Variants in SIDT1 observed in about 807,000 individuals in gnomAD.
SIDT1 encodes SID1 transmembrane family, member 1.
Under a neutral mutation model 107.5 loss-of-function variants are expected in SIDT1, and 101 were observed. The ratio of observed to expected loss-of-function variants is 0.94; its 90% confidence interval spans 0.80 to 1.11. The LOEUF is 1.11. SIDT1 is among the 50% of genes least tolerant of loss of function. The pLI is 0.00. For missense variants in SIDT1, 1,076 were observed against 1,058.2 expected, an observed-to-expected ratio of 1.02 and a Z score of -0.23; for synonymous variants, 395 against 398.2, an observed-to-expected ratio of 0.99 and a Z score of 0.10.
intron 3 of SIDT1, among the ~76,000 whole-genome samples, chr3:113,569,382 A>T (rs11921816): frequency 0.47 from 71,964 of 151,654 alleles, 17,740 homozygotes; most frequent in East Asian, 0.76. Flanking sequence ...TTAATTTTTT[A>T]AAAAATCGGA....
intron 23 of SIDT1, among the ~76,000 whole-genome samples, chr3:113,623,988 G>T (rs1946665954): frequency 6.6e-6 from 1 of 152,200 alleles, no homozygotes; most frequent in Admixed American, 6.5e-5. Flanking sequence ...TTACGACGCT[G>T]GTCCCAGTGG....
At chr3:113,580,120 G>A (rs565466824) in intron 4 of SIDT1, among the ~76,000 whole-genome samples, 2 of 152,288 alleles carry the variant, frequency 1.3e-5, no homozygotes, top group South Asian at 2.1e-4. Flanking sequence ...AAGGGCAAGG[G>A]GGAGGATGAG....
chr3:113,604,424 C>T (rs545005315), intron 13 of SIDT1, among the ~76,000 whole-genome samples: 4 of 152,284 alleles, frequency 2.6e-5, no homozygotes, highest in African/African-American at 7.2e-5. Flanking sequence ...CACCCTTTCA[C>T]GTGATCCGTC....
At chr3:113,608,597 C>A in intron 17 of SIDT1, 61 bp downstream of exon 17, 1 of 1,187,172 alleles carries the variant, frequency 8.4e-7, no homozygotes, top group Non-Finnish European at 1.3e-6. Flanking sequence ...TGGAACCCTC[C>A]CCAAAAATGC....
chr3:113,625,091 T>C (rs188939862), intron 23 of SIDT1, among the ~76,000 whole-genome samples: 5 of 150,358 alleles, frequency 3.3e-5, no homozygotes, highest in Admixed American at 6.7e-5. Flanking sequence ...TATCAAGTAG[T>C]AGAATTGCTG....
Position 113,532,875 on chromosome 3 carries a change from C to T in SIDT1, c.-147C>T. The T allele has an allele frequency of 2.1e-6, 1 of 487,584 alleles. No individual in the cohort carries two copies. The highest frequency in any genetic ancestry group is 3.4e-6 in the Non-Finnish European group (1 of 297,378). 30.2% of individuals were successfully genotyped at this position (487,584 alleles called of 1,614,324 possible). A position where few individuals can be genotyped will look rare whatever the true frequency, so the allele number is the denominator to read the frequency against. ...GATCGGCCCTTCGTCAGCACGCTGC[C>T]AGCCCTGGCCGGCTGGGTTCGCCAG... On this transcript the variant is annotated 5_prime_UTR_variant, in exon 1 of 25. Transcript: ENST00000264852.
At chr3:113,538,205 G>A (rs574908026) in intron 1 of SIDT1, among the ~76,000 whole-genome samples, 31 of 152,270 alleles carry the variant, frequency 2.0e-4, no homozygotes, top group Middle Eastern at 6.8e-3. Flanking sequence ...GTGAATTTTG[G>A]TGGGGACACA....
Position 113,600,374 on chromosome 3 carries a change from A to T in SIDT1, c.1046-1214A>T, listed in dbSNP as rs148780088. 3.2e-3 allele frequency among the ~76,000 whole-genome samples: 484 copies of T among 152,188 alleles called. 4 individuals carry two copies. Among genetic ancestry groups the T allele is most frequent in the Middle Eastern group, 0.01 (3 of 294 alleles). On this transcript the variant is annotated intron_variant, in intron 10 of 24. Coordinates refer to ENST00000264852, the MANE Select transcript of SIDT1 (RefSeq NM_017699.3). ...CTCACCGAGACCAATACAATGAAAC[A>T]CTATCCATCCACTCTCAGAGTGACC...
intron 1 of SIDT1, 39 bp downstream of exon 1, chr3:113,533,282 G>T (rs770629224): frequency 7.3e-7 from 1 of 1,369,972 alleles, no homozygotes; most frequent in Admixed American, 3.3e-5. Flanking sequence ...CCTAGAACTT[G>T]CCAGATCTCA....
rs540532228 is a variant in SIDT1 at position 113,625,657 on chromosome 3, A to C, written c.2308-445A>C. 2.6e-5 allele frequency among the ~76,000 whole-genome samples: 4 copies of C among 152,300 alleles called. No individual in the cohort carries two copies. The South Asian group carries it at 6.2e-4, about 24-fold the overall frequency. On this transcript the variant is annotated intron_variant, in intron 23 of 24. Coordinates refer to ENST00000264852, the MANE Select transcript of SIDT1 (RefSeq NM_017699.3). ...CATTCTCTGATGATCAATGATGTTG[A>C]GCACCTTTTCATATGCCTGTTTGCC...
chr3:113,573,321 G>A (rs1353963904), intron 3 of SIDT1, among the ~76,000 whole-genome samples: 2 of 152,164 alleles, frequency 1.3e-5, no homozygotes, highest in African/African-American at 4.8e-5. Flanking sequence ...CTCAGGAGAT[G>A]GCCCTGGGCT....
In SIDT1 at chr3:113,612,068, T is replaced by G. The variant is rs1448850283; in HGVS notation, c.1858-18T>G. 1 of 1,578,748 alleles carries G rather than the reference T, an allele frequency of 6.3e-7. No individual in the cohort carries two copies. The highest frequency in any genetic ancestry group is 1.1e-5 in the South Asian group (1 of 90,406). ...AGGGAAAACCTCAGATGAAGGTAAC[T>G]TCCATCTTTACTCCTAGGTGTTTGG... On this transcript the variant is annotated intron_variant, in intron 18 of 24. Transcript: ENST00000264852.
chr3:113,577,512 T>A (rs140258557), intron 4 of SIDT1, among the ~76,000 whole-genome samples: 23 of 152,250 alleles, frequency 1.5e-4, no homozygotes, highest in African/African-American at 5.3e-4. Flanking sequence ...ACAAAAAACA[T>A]CAGGAGAATT....
chr3:113,612,140 C>T lies in SIDT1; in HGVS notation c.1912C>T (p.Leu638=). The T allele has an allele frequency of 6.2e-7, 1 of 1,614,144 alleles. No individual in the cohort carries two copies. Among genetic ancestry groups the T allele is most frequent in the Non-Finnish European group, 8.5e-7 (1 of 1,180,018 alleles). Residue 638 remains leucine, a synonymous_variant, in exon 19 of 25, where the codon CTG becomes TTG. Coordinates refer to ENST00000264852, the MANE Select transcript of SIDT1 (RefSeq NM_017699.3). The part of the protein sequence containing the change: ...FWVIFSAIHV[L]ASLALSTQIY... ...GGTCATCTTCTCTGCAATCCACGTT[C>T]TGGCCTCGCTAGCCCTCAGCACCCA...
chr3:113,619,232 T>G (rs1946301106), intron 20 of SIDT1, among the ~76,000 whole-genome samples: 1 of 152,192 alleles, frequency 6.6e-6, no homozygotes, highest in South Asian at 2.1e-4. Context: ...ACCAGAGTAA[T>G]GGGTACAAAA....
At chr3:113,584,460 C>T (rs551166270) in intron 7 of SIDT1, among the ~76,000 whole-genome samples, 1 of 152,120 alleles carries the variant, frequency 6.6e-6, no homozygotes, top group Non-Finnish European at 1.5e-5. Context: ...TTAGTGGTAC[C>T]AAAATGCACA....
At chr3:113,607,020 T>G in intron 14 of SIDT1, 21 bp from the exon 15 acceptor site, 1 of 1,544,158 alleles carries the variant, frequency 6.5e-7, no homozygotes, top group Non-Finnish European at 9.0e-7. Flanking sequence ...ACATTTCCTC[T>G]TCTCACTCTT....
At chr3:113,566,621 T>C in intron 2 of SIDT1, 80 bp downstream of exon 2, 1 of 1,482,200 alleles carries the variant, frequency 6.7e-7, no homozygotes, top group Non-Finnish European at 9.2e-7. Flanking sequence ...CTTTTCCCTA[T>C]TGAAAGGAAA....
intron 3 of SIDT1, among the ~76,000 whole-genome samples, chr3:113,572,210 AC>A (rs1313253523): frequency 6.6e-6 from 1 of 152,246 alleles, no homozygotes; most frequent in Non-Finnish European, 1.5e-5. Flanking sequence ...AAGAAAAAGA[AC>A]AGATGATAAC....
Sources: gnomAD v4.1 joint callset for allele counts (sites outside exome capture counted in the v4.1 genomes callset) on GRCh38, gnomAD v4.1.1 for gene constraint, MANE v1.5 for transcripts, NCBI Gene and HGNC (gene_info 2026-07-23, HGNC 2026-07-21) for gene names.